APC: variants seen among roughly 807,000 people sequenced by gnomAD.
APC encodes the protein adenomatous polyposis coli protein.
APC carries 72 observed loss-of-function variants against 247.0 expected under a neutral mutation model. That is an observed-to-expected ratio of 0.29 (90% CI 0.24 to 0.35). APC has a LOEUF of 0.35. Ranked by LOEUF, APC falls within the 10% of genes least tolerant of loss-of-function variation. The pLI, the probability that APC is intolerant of heterozygous loss-of-function variation, is 1.00. For synonymous variants in APC, 1,254 were observed against 1,162.5 expected, an observed-to-expected ratio of 1.08 and a Z score of -1.60; for missense variants, 3,400 against 3,360.7, an observed-to-expected ratio of 1.01 and a Z score of -0.29.
intron 8 of APC, among the ~76,000 whole-genome samples, chr5:112,810,810 C>T (rs972938638): frequency 5.3e-5 from 8 of 152,098 alleles, no homozygotes; most frequent in African/African-American, 1.7e-4. Context: ...ATCTTACTTG[C>T]GGTCAGGAGT....
chr5:112,755,785 A>G (rs937513992), intron 2 of APC, among the ~76,000 whole-genome samples: 2 of 152,180 alleles, frequency 1.3e-5, no homozygotes, highest in African/African-American at 4.8e-5. Flanking sequence ...ACTGAATTTA[A>G]TAACTTCATA....
At chr5:112,802,571 G>A (rs983428268) in intron 8 of APC, among the ~76,000 whole-genome samples, 1 of 151,982 alleles carries the variant, frequency 6.6e-6, no homozygotes, top group Non-Finnish European at 1.5e-5. Flanking sequence ...CAGTAAGCTG[G>A]CTATGATAAA....
chr5:112,711,720 C>CAA, intron 1 of APC, among the ~76,000 whole-genome samples: 1 of 151,844 alleles, frequency 6.6e-6, no homozygotes, highest in South Asian at 2.1e-4. Flanking sequence ...GACCCCATCT[C>CAA]AAAAAAACAA....
chr5:112,733,086 T>C (rs1354532151), upstream of APC, among the ~76,000 whole-genome samples: 1 of 152,376 alleles, frequency 6.6e-6, no homozygotes, highest in East Asian at 1.9e-4. Context: ...AATCTCCATA[T>C]GCTGGAGCCT....
intron 14 of APC, 51 bp downstream of exon 14, chr5:112,829,023 T>A (rs780484059): frequency 7.9e-7 from 1 of 1,268,072 alleles, no homozygotes; most frequent in African/African-American, 1.5e-5. Flanking sequence ...GTTTGGCTTT[T>A]TTTTGCTGCC....
chr5:112,725,951 A>T (rs974452250), intron 1 of APC, among the ~76,000 whole-genome samples: 3 of 152,194 alleles, frequency 2.0e-5, no homozygotes, highest in African/African-American at 4.8e-5. Context: ...GCCTGTGTCT[A>T]TTTGAAATGG....
At position 112,843,793 on chromosome 5, in the gene APC, A is replaced by G. The variant is rs372365378; in HGVS notation, c.8199A>G (p.Gln2733=). 1.3e-5 allele frequency: 21 copies of G among 1,613,962 alleles called. No individual in the cohort carries two copies. The highest frequency in any genetic ancestry group is 2.7e-5 in the African/African-American group (2 of 74,910). The change falls in exon 16 of 16, where the codon CAA becomes CAG. Residue 2733 remains glutamine, a synonymous_variant. Transcript: ENST00000257430. The surrounding 1 kb of genome is among the most constrained non-coding windows in gnomAD (Gnocchi z 4.8). Reference sequence around the variant, plus strand: ...TTATTCAGGTGGATGCCCCTGACCAAAAAGGAACTGAGATAAAACCAGGAC... The same window carrying G: ...TTATTCAGGTGGATGCCCCTGACCAGAAAGGAACTGAGATAAAACCAGGAC... ...NSFIQVDAPD[Q]KGTEIKPGQN...
intron 1 of APC, among the ~76,000 whole-genome samples, chr5:112,717,908 C>CTTTTTTTTTTTTTTTTTTT: frequency 0.011 from 452 of 40,688 alleles, 150 homozygotes; most frequent in Middle Eastern, 0.019. Flanking sequence ...TTTTCTTTTT[C>CTTTTTTTTTTTTTTTTTTT]TTTTTTTTTT....
intron 1 of APC, among the ~76,000 whole-genome samples, chr5:112,744,631 ATATAT>A (rs1753431673): frequency 6.6e-6 from 1 of 152,186 alleles, no homozygotes; most frequent in Non-Finnish European, 1.5e-5. Flanking sequence ...AAGGATGAGG[ATATAT>A]TATAACAGCA....
At chr5:112,767,527 T>TAGCATGTTA in intron 4 of APC, 137 bp downstream of exon 4, 1 of 678,292 alleles carries the variant, frequency 1.5e-6, no homozygotes, top group Non-Finnish European at 2.5e-6. Context: ...AACTCAAAGA[T>TAGCATGTTA]AGCATGTTAT....
intron 4 of APC, among the ~76,000 whole-genome samples, chr5:112,770,944 T>TG (rs1170502347): frequency 2.6e-5 from 4 of 152,166 alleles, no homozygotes; most frequent in Non-Finnish European, 4.4e-5. Flanking sequence ...GTATAAGATT[T>TG]GGCAACTGTG....
At chr5:112,783,176 G>T (rs1210373739) in intron 6 of APC, among the ~76,000 whole-genome samples, 1 of 152,016 alleles carries the variant, frequency 6.6e-6, no homozygotes, top group Non-Finnish European at 1.5e-5. Context: ...AATATAAGTA[G>T]GTGTATTCCA....
chr5:112,765,550 T>C (rs1350480246), intron 2 of APC, among the ~76,000 whole-genome samples: 2 of 152,250 alleles, frequency 1.3e-5, no homozygotes, highest in Admixed American at 1.3e-4. Context: ...AAGTTGCAAA[T>C]GTTCAAATAT....
intron 5 of APC, 96 bp downstream of exon 5, chr5:112,775,833 A>C: frequency 1.4e-6 from 1 of 700,908 alleles, no homozygotes. Flanking sequence ...AACTGAATTT[A>C]TAGTTATTTG....
rs912162837 is a variant in APC at position 112,829,224 on chromosome 5, C to T, written c.1743+252C>T. The T allele has an allele frequency of 2.2e-5, 8 of 367,650 alleles. No individual in the cohort carries two copies. The East Asian group carries it at 2.5e-4, about 12-fold the overall frequency. 22.8% of individuals were successfully genotyped at this position (367,650 alleles called of 1,614,324 possible). A position where few individuals can be genotyped will look rare whatever the true frequency, so the allele number is the denominator to read the frequency against. Reference sequence around the variant, plus strand: ...TCTGATCTTGGCTCACTGCAACCTCCGTCTCCCATGTTCAAGTGATTCTCC... The same window carrying T: ...TCTGATCTTGGCTCACTGCAACCTCTGTCTCCCATGTTCAAGTGATTCTCC... On this transcript the variant is annotated intron_variant, in intron 14 of 15. Coordinates refer to ENST00000257430, the MANE Select transcript of APC (RefSeq NM_000038.6).
At chr5:112,788,864 A>G (rs1160248708) in intron 6 of APC, among the ~76,000 whole-genome samples, 1 of 152,178 alleles carries the variant, frequency 6.6e-6, no homozygotes, top group African/African-American at 2.4e-5. Context: ...TATTGTTCGC[A>G]AATAATGACA....
chr5:112,745,863 A>C (rs1348975746), intron 1 of APC, among the ~76,000 whole-genome samples: 1 of 152,172 alleles, frequency 6.6e-6, no homozygotes, highest in Non-Finnish European at 1.5e-5. Context: ...TTTCACTTTA[A>C]ATAACTATTA....
Position 112,819,022 on chromosome 5 carries a change from G to T in APC, c.990G>T (p.Met330Ile), listed in dbSNP as rs1561540673. Residue 330 changes from methionine to isoleucine, a missense_variant, in exon 10 of 16, where the codon ATG becomes ATT. Physicochemically the swap from Met to Ile is conservative, Grantham distance 10. Transcript: ENST00000257430. Reference protein sequence around the residue: ...SMLGTHDKDDMSRTLLAMSSS... With the variant: ...SMLGTHDKDDISRTLLAMSSS... The stretch of plus-strand genomic sequence containing the variant: ...TTGGTACTCATGATAAGGATGATAT[G>T]TCGCGAACTTTGCTAGCTATGTCTA... The T allele has an allele frequency of 1.2e-6, 2 of 1,614,046 alleles. No homozygotes were observed. The highest frequency in any genetic ancestry group is 1.7e-6 in the Non-Finnish European group (2 of 1,179,978).
At chr5:112,718,775 C>G (rs1002354888) in intron 1 of APC, among the ~76,000 whole-genome samples, 1 of 152,162 alleles carries the variant, frequency 6.6e-6, no homozygotes, top group African/African-American at 2.4e-5. Flanking sequence ...GTCTGAATAA[C>G]CTGGTCTGCT....
Sources: gnomAD v4.1 joint callset for allele counts (sites outside exome capture counted in the v4.1 genomes callset) on GRCh38, gnomAD v4.1.1 for gene constraint, Gnocchi (gnomAD v3.1) non-coding constraint, MANE v1.5 for transcripts, NCBI Gene and HGNC (gene_info 2026-07-23, HGNC 2026-07-21) for gene names.